PLAC1: variants seen among roughly 807,000 people sequenced by gnomAD.
The protein encoded by PLAC1 is placenta-specific protein 1.
For missense variants in PLAC1, 136 were observed against 163.2 expected (o/e 0.83, Z 0.91); for synonymous variants, 68 against 62.1 (o/e 1.09, Z -0.44).
chrX:134,681,200 G>T (rs1442439957), intron 2 of PLAC1, among the ~76,000 whole-genome samples: 1 of 111,388 alleles, frequency 9.0e-6, no homozygotes, highest in Admixed American at 9.6e-5. Context: ...TTAATTAGTG[G>T]CCCTTAACAG....
At chrX:134,702,830 A>G (rs1400240977) in intron 2 of PLAC1, among the ~76,000 whole-genome samples, 2 of 112,424 alleles carry the variant, frequency 1.8e-5, no homozygotes, top group Non-Finnish European at 3.8e-5. Flanking sequence ...ACTTTTGCTC[A>G]CACCAGTTAA....
At chrX:134,635,158 T>G (rs748740668) in intron 1 of PLAC1, among the ~76,000 whole-genome samples, 1 of 111,723 alleles carries the variant, frequency 9.0e-6, no homozygotes, top group East Asian at 2.8e-4. Context: ...TTACACTTGC[T>G]TATAAAATAT....
At chrX:134,612,637 C>T (rs192027721) in intron 1 of PLAC1, among the ~76,000 whole-genome samples, 3 of 111,952 alleles carry the variant, frequency 2.7e-5, no homozygotes, top group Non-Finnish European at 5.6e-5. Flanking sequence ...AGGAAATACA[C>T]AGTCTCCATA....
At chrX:134,696,740 T>C (rs905515165) in intron 2 of PLAC1, among the ~76,000 whole-genome samples, 6 of 111,401 alleles carry the variant, frequency 5.4e-5, no homozygotes, top group Admixed American at 3.8e-4. Context: ...TTTGAAAATG[T>C]CTGTTTGGCC....
chrX:134,760,739 G>A (rs1395694229), intron 1 of PLAC1, among the ~76,000 whole-genome samples: 3 of 111,327 alleles, frequency 2.7e-5, no homozygotes, highest in African/African-American at 6.5e-5. Flanking sequence ...ACCCTGCAAC[G>A]TGACTTTGCA....
chrX:134,738,692 T>C (rs1423409541), intron 1 of PLAC1, among the ~76,000 whole-genome samples: 1 of 112,468 alleles, frequency 8.9e-6, no homozygotes, highest in Non-Finnish European at 1.9e-5. Flanking sequence ...CAAAATTCAT[T>C]TGGCTTTGTT....
chrX:134,588,285 CTTTATTTTATTTA>C (rs2078015868), intron 2 of PLAC1, among the ~76,000 whole-genome samples: 1 of 70,061 alleles, frequency 1.4e-5, no homozygotes. Context: ...TTCTAGAACT[CTTTATTTTATTTA>C]TTTATTTATT....
At chrX:134,600,682 C>T (rs1303397511) in intron 2 of PLAC1, among the ~76,000 whole-genome samples, 1 of 108,966 alleles carries the variant, frequency 9.2e-6, no homozygotes, top group East Asian at 2.9e-4. Flanking sequence ...GAAGATTTGA[C>T]ACTAGTTGGA....
At chrX:134,575,300 G>T (rs2077931734) in intron 2 of PLAC1, among the ~76,000 whole-genome samples, 1 of 111,033 alleles carries the variant, frequency 9.0e-6, no homozygotes, top group South Asian at 3.8e-4. Flanking sequence ...ACGAAGATTT[G>T]ACTTTGGGTG....
intron 2 of PLAC1, among the ~76,000 whole-genome samples, chrX:134,666,440 A>G (rs1247087379): frequency 2.7e-5 from 3 of 111,781 alleles, no homozygotes; most frequent in Admixed American, 9.5e-5. Flanking sequence ...AGAAAAAAAA[A>G]ATGAAACCAA....
chrX:134,602,645 C>T (rs1188903715), intron 1 of PLAC1, among the ~76,000 whole-genome samples: 3 of 111,585 alleles, frequency 2.7e-5, no homozygotes, highest in Middle Eastern at 4.2e-3. Context: ...TACTATTCAG[C>T]AATACAAAAG....
At chrX:134,696,872 G>GA (rs1284011155) in intron 2 of PLAC1, among the ~76,000 whole-genome samples, 15 of 106,091 alleles carry the variant, frequency 1.4e-4, no homozygotes, top group African/African-American at 2.4e-4. Context: ...ACTAAAAATA[G>GA]AAAAAAAAAA....
At chrX:134,637,772 C>T (rs1001189605) in intron 1 of PLAC1, among the ~76,000 whole-genome samples, 10 of 111,439 alleles carry the variant, frequency 9.0e-5, no homozygotes, top group African/African-American at 2.9e-4. Context: ...CGCTTGAACC[C>T]GGGAGGCAGA....
At chrX:134,579,757 C>T (rs1392230863) in intron 2 of PLAC1, among the ~76,000 whole-genome samples, 1 of 111,295 alleles carries the variant, frequency 9.0e-6, no homozygotes, top group Non-Finnish European at 1.9e-5. Flanking sequence ...TTTGTGCTTT[C>T]CCGGAAAGCT....
chrX:134,712,844 C>T (rs371978081), intron 2 of PLAC1, among the ~76,000 whole-genome samples: 3 of 111,625 alleles, frequency 2.7e-5, no homozygotes, highest in East Asian at 5.6e-4. Context: ...CCATGAGTGT[C>T]CTTGGGGAAT....
chrX:134,656,670 G>C (rs1402946872), intron 1 of PLAC1, among the ~76,000 whole-genome samples: 1 of 111,222 alleles, frequency 9.0e-6, no homozygotes, highest in Non-Finnish European at 1.9e-5. Context: ...CTGCAGCTTC[G>C]ATCTCCTGGG....
At chrX:134,706,115 C>T (rs2078603830) in intron 2 of PLAC1, among the ~76,000 whole-genome samples, 1 of 112,533 alleles carries the variant, frequency 8.9e-6, no homozygotes, top group Non-Finnish European at 1.9e-5. Context: ...CTTTCGCTAG[C>T]CAGTGTATCA....
At chrX:134,682,712 C>A (rs1242694765) in intron 2 of PLAC1, among the ~76,000 whole-genome samples, 2 of 110,844 alleles carry the variant, frequency 1.8e-5, no homozygotes, top group Non-Finnish European at 3.8e-5. Context: ...CCCACCACCA[C>A]GCCCAGCTAA....
At chrX:134,687,154 GA>G (rs765952412) in intron 2 of PLAC1, among the ~76,000 whole-genome samples, 4 of 111,307 alleles carry the variant, frequency 3.6e-5, no homozygotes, top group Non-Finnish European at 7.6e-5. Context: ...AAATGCCCAA[GA>G]AAAAAATGTG....
Sources: allele counts gnomAD v4.1 joint callset (sites outside exome capture counted in the v4.1 genomes callset), GRCh38; gene constraint gnomAD v4.1.1; transcripts MANE v1.5; gene names NCBI Gene and HGNC (gene_info 2026-07-23, HGNC 2026-07-21).